The following TRAM2 variants were observed in gnomAD, a reference collection of about 807,000 sequenced individuals.
TRAM2 encodes translocation associated membrane protein 2, also known as translocating chain-associated membrane protein 2.
In TRAM2, 12 loss-of-function variants were observed where a neutral mutation model predicts 51.0. The ratio of observed to expected loss-of-function variants is 0.24; its 90% CI spans 0.15 to 0.38. The LOEUF (loss-of-function observed/expected upper bound fraction) is 0.38. Among genes scored for constraint, TRAM2 ranks in the 10% least tolerant of loss-of-function variants. TRAM2 has a pLI of 1.00. For missense variants in TRAM2, 361 were observed against 462.0 expected (o/e 0.78, Z 2.00); for synonymous variants, 175 against 179.4 (o/e 0.98, Z 0.20).
intron 1 of TRAM2, among the ~76,000 whole-genome samples, chr6:52,557,205 T>TA (rs1035986747): frequency 8.2e-5 from 11 of 133,782 alleles, no homozygotes; most frequent in African/African-American, 2.8e-4. Context: ...AAAAAAAAGA[T>TA]ATGTCTGGTG....
At chr6:52,570,445 C>A (rs17665178) in intron 1 of TRAM2, among the ~76,000 whole-genome samples, 1 of 152,014 alleles carries the variant, frequency 6.6e-6, no homozygotes. Flanking sequence ...CACAGACACC[C>A]CATTTGTGGA....
At chr6:52,531,844 A>G (rs1381445638) in intron 2 of TRAM2, among the ~76,000 whole-genome samples, 2 of 151,654 alleles carry the variant, frequency 1.3e-5, no homozygotes, top group Non-Finnish European at 2.9e-5. Context: ...TTACTTGTTT[A>G]TTACCTATCT....
chr6:52,517,170 C>T (rs1332929889), intron 2 of TRAM2: 1 of 162,950 alleles, frequency 6.1e-6, no homozygotes, highest in African/African-American at 2.4e-5. Context: ...CGCGTAAGGG[C>T]TAAATGTGGA....
intron 1 of TRAM2, among the ~76,000 whole-genome samples, chr6:52,554,921 C>T (rs983403671): frequency 2.0e-4 from 31 of 151,916 alleles, no homozygotes; most frequent in Non-Finnish European, 3.4e-4. Context: ...GCCACCATGC[C>T]GAGGCTGGTC....
In TRAM2 at chr6:52,526,553, A is replaced by AT. The variant is rs199949735; in HGVS notation, c.184+9229dup. On this transcript the variant is annotated intron_variant, in intron 2 of 10. Transcript: ENST00000182527. ...AGGTGTGCCCCACCACACCCAGCTA[A>AT]TTTTTTTGCATTTTTAATAGAGACT... is the stretch of plus-strand genomic sequence containing the variant. Among the ~76,000 whole-genome samples, 1,372 of 151,976 alleles carry AT rather than the reference A, an allele frequency of 9.0e-3. 30 individuals carry two copies. Among genetic ancestry groups the AT allele is most frequent in the African/African-American group, 0.031 (1,292 of 41,426 alleles).
intron 2 of TRAM2, chr6:52,523,232 G>T (rs1057272931): frequency 1.9e-5 from 5 of 260,492 alleles, no homozygotes; most frequent in Non-Finnish European, 3.6e-5. Flanking sequence ...TCCAGAATTA[G>T]ATATGGAAAC....
intron 2 of TRAM2, among the ~76,000 whole-genome samples, chr6:52,519,036 C>G (rs1029891984): frequency 1.3e-5 from 2 of 152,196 alleles, no homozygotes; most frequent in Admixed American, 1.3e-4. Flanking sequence ...TGACTATAAT[C>G]TGAAATCCTT....
intron 9 of TRAM2, 116 bp downstream of exon 9, chr6:52,505,483 A>C: frequency 7.0e-7 from 1 of 1,419,392 alleles, no homozygotes; most frequent in African/African-American, 1.4e-5. Flanking sequence ...AGAGATTTCC[A>C]AAAAATAACA....
chr6:52,530,268 C>T (rs111390835), intron 2 of TRAM2, among the ~76,000 whole-genome samples: 300 of 152,274 alleles, frequency 2.0e-3, no homozygotes, highest in African/African-American at 7.1e-3. Context: ...ACCTCAAGGA[C>T]GCCAGGGTGG....
chr6:52,530,239 A>C (rs1363403185), intron 2 of TRAM2, among the ~76,000 whole-genome samples: 1 of 152,196 alleles, frequency 6.6e-6, no homozygotes, highest in Non-Finnish European at 1.5e-5. Flanking sequence ...CTGCTTCATC[A>C]CTGTTGTCCT....
At chr6:52,522,295 G>A (rs1007722964) in intron 2 of TRAM2, among the ~76,000 whole-genome samples, 10 of 152,274 alleles carry the variant, frequency 6.6e-5, no homozygotes, top group Non-Finnish European at 1.2e-4. Flanking sequence ...CCACAGGGGT[G>A]AGGGAGGCAG....
intron 1 of TRAM2, among the ~76,000 whole-genome samples, chr6:52,540,298 C>G (rs148541475): frequency 5.9e-5 from 9 of 151,526 alleles, no homozygotes; most frequent in African/African-American, 9.7e-5. Flanking sequence ...AGGAGGCACA[C>G]AATACTGCAC....
rs1766232218 is a variant in TRAM2 at position 52,501,803 on chromosome 6, C to G, written c.*1394G>C. On this transcript the variant is annotated 3_prime_UTR_variant, in exon 11 of 11. Transcript: ENST00000182527. ...AGGTGATCTGCCCACCTCGACCTCC[C>G]AAAGTGCTGGGATAACAGGCGTAAG... 6.6e-6 allele frequency: 1 copy of G among 152,244 alleles called. No homozygotes were observed. The highest frequency in any genetic ancestry group is 2.4e-5 in the African/African-American group (1 of 41,452). The allele number at this position is 152,244 out of a possible 1,614,324, so 9.4% of individuals were successfully genotyped here. A position where few individuals can be genotyped will look rare whatever the true frequency, so the allele number is the denominator to read the frequency against.
chr6:52,548,015 G>A (rs766949577), intron 1 of TRAM2, among the ~76,000 whole-genome samples: 9 of 152,248 alleles, frequency 5.9e-5, no homozygotes, highest in Non-Finnish European at 5.9e-5. Context: ...TTATGTTCAT[G>A]TGCACAAAGC....
intron 1 of TRAM2, among the ~76,000 whole-genome samples, chr6:52,559,731 C>T (rs986514752): frequency 1.3e-5 from 2 of 152,230 alleles, no homozygotes; most frequent in Non-Finnish European, 2.9e-5. Flanking sequence ...AACCTAAACA[C>T]TCTCTCACCT....
intron 4 of TRAM2, among the ~76,000 whole-genome samples, chr6:52,515,514 A>C (rs1766531524): frequency 1.3e-5 from 2 of 152,248 alleles, no homozygotes; most frequent in Admixed American, 6.5e-5. Context: ...CCAAGGTAGT[A>C]AAACAGAGAG....
At chr6:52,564,438 G>A (rs934711558) in intron 1 of TRAM2, among the ~76,000 whole-genome samples, 3 of 152,068 alleles carry the variant, frequency 2.0e-5, no homozygotes, top group African/African-American at 7.2e-5. Flanking sequence ...AGCCCACTCT[G>A]GCAATACAGA....
In TRAM2 at chr6:52,519,435, A is replaced by C. The variant is rs191108219; in HGVS notation, c.185-2698T>G. Among the ~76,000 whole-genome samples, 13 of 152,328 alleles carry C rather than the reference A, an allele frequency of 8.5e-5. No individual in the cohort carries two copies. The East Asian group carries it at 2.1e-3, about 25-fold the overall frequency. ...AAAACCACAACAAGGTTATCTCCTC[A>C]CACCCATAAGGACGGTTACAATGAG... is the stretch of plus-strand genomic sequence containing the variant. On this transcript the variant is annotated intron_variant, in intron 2 of 10. Coordinates refer to ENST00000182527, the MANE Select transcript of TRAM2 (RefSeq NM_012288.4).
chr6:52,549,247 TTCCCTCCCTTCCCTCCTTCCCTCCC>T, intron 1 of TRAM2, among the ~76,000 whole-genome samples: 1 of 137,470 alleles, frequency 7.3e-6, no homozygotes, highest in Non-Finnish European at 1.6e-5. Flanking sequence ...CCTTCCCTCC[TTCCCTCCCTTCCCTCCTTCCCTCCC>T]TCCCTCCCTT....
Sources: allele counts gnomAD v4.1 joint callset (sites outside exome capture counted in the v4.1 genomes callset), GRCh38; gene constraint gnomAD v4.1.1; transcripts MANE v1.5; gene names NCBI Gene and HGNC (gene_info 2026-07-23, HGNC 2026-07-21).